FAT3: variants seen among roughly 807,000 people sequenced by gnomAD.
FAT3 encodes FAT atypical cadherin 3.
Under a neutral mutation model 310.2 loss-of-function variants are expected in FAT3, and 95 were observed. That is an observed-to-expected ratio of 0.31 (90% CI 0.26 to 0.36). The LOEUF (loss-of-function observed/expected upper bound fraction) is 0.36. Ranked by LOEUF, FAT3 falls within the 10% of genes least tolerant of loss-of-function variation. FAT3 has a pLI of 1.00. For missense variants in FAT3, 5,408 were observed against 5,715.6 expected (o/e 0.95, Z 1.74); for synonymous variants, 2,314 against 2,192.9 (o/e 1.06, Z -1.54).
At chr11:92,802,351 G>A (rs1947385142) in intron 10 of FAT3, among the ~76,000 whole-genome samples, 1 of 152,160 alleles carries the variant, frequency 6.6e-6, no homozygotes, top group Admixed American at 6.5e-5. Context: ...GGCAACACCT[G>A]TGCACACATG....
At chr11:92,661,228 C>A (rs1177658240) in intron 3 of FAT3, among the ~76,000 whole-genome samples, 2 of 152,176 alleles carry the variant, frequency 1.3e-5, no homozygotes, top group African/African-American at 2.4e-5. Context: ...GCTGTTCAGA[C>A]ACTGACTGTC....
chr11:92,879,056 A>G (rs35213599), intron 22 of FAT3, among the ~76,000 whole-genome samples: 12,528 of 149,640 alleles, frequency 0.084, 664 homozygotes, highest in East Asian at 0.13. Flanking sequence ...AAGAGAGGGG[A>G]AAAAAAAAAC....
intron 13 of FAT3, among the ~76,000 whole-genome samples, chr11:92,819,920 C>T (rs1006978908): frequency 6.6e-6 from 1 of 152,092 alleles, no homozygotes. Context: ...GCCAATATTC[C>T]TCCGTTATGG....
chr11:92,471,913 TGCTATA>T (rs1951914190), intron 2 of FAT3, among the ~76,000 whole-genome samples: 1 of 81,626 alleles, frequency 1.2e-5, no homozygotes, highest in Non-Finnish European at 2.4e-5. Context: ...ACTTTTCATA[TGCTATA>T]TATATATATA....
intron 13 of FAT3, 86 bp from the exon 14 acceptor site, chr11:92,831,536 T>C: frequency 8.2e-7 from 1 of 1,214,764 alleles, no homozygotes; most frequent in African/African-American, 1.5e-5. Context: ...GTTGTGGCCC[T>C]TCAAAAGTCT....
At chr11:92,676,902 A>G (rs1249950517) in intron 3 of FAT3, among the ~76,000 whole-genome samples, 12 of 152,192 alleles carry the variant, frequency 7.9e-5, no homozygotes, top group Non-Finnish European at 1.5e-5. Context: ...AAGTACAGGC[A>G]CAGTGCAAAG....
intron 3 of FAT3, among the ~76,000 whole-genome samples, chr11:92,666,278 G>T (rs548396048): frequency 5.1e-4 from 78 of 151,988 alleles, no homozygotes; most frequent in Admixed American, 7.9e-4. Context: ...TGTTAATTTG[G>T]CTGAGGAGCA....
rs748617808 is a variant in FAT3 at position 92,799,166 on chromosome 11, G to A, written c.6153G>A (p.Glu2051=). Residue 2051 remains glutamate, a synonymous_variant, in exon 10 of 28, where the codon GAG becomes GAA. Coordinates refer to ENST00000525166, the MANE Select transcript of FAT3 (RefSeq NM_001367949.2). ...PFDREEQELY[E]LVVEASRELD... The stretch of plus-strand genomic sequence containing the variant: ...ACCGTGAAGAACAAGAGTTATATGA[G>A]CTGGTGGTAGAAGCCAGCCGTGAGC... 3.1e-6 allele frequency: 5 copies of A among 1,613,930 alleles called. No individual in the cohort carries two copies. In the South Asian group the frequency reaches 3.3e-5, roughly 11 times the overall value.
chr11:92,882,471 C>A (rs1227470639), intron 23 of FAT3, among the ~76,000 whole-genome samples: 1 of 151,928 alleles, frequency 6.6e-6, no homozygotes, highest in African/African-American at 2.4e-5. Context: ...TCCTTTCCCC[C>A]AACCCAGGTA....
chr11:92,784,297 G>A (rs1022382123), intron 7 of FAT3, among the ~76,000 whole-genome samples: 1 of 152,234 alleles, frequency 6.6e-6, no homozygotes, highest in Non-Finnish European at 1.5e-5. Context: ...AAACTTACAA[G>A]CTTGAGGAGA....
chr11:92,383,167 C>G (rs2134772094), intron 2 of FAT3, among the ~76,000 whole-genome samples: 1 of 152,320 alleles, frequency 6.6e-6, no homozygotes, highest in South Asian at 2.1e-4. Flanking sequence ...AGGACATGAT[C>G]TCGTTCCATT....
chr11:92,644,910 T>C (rs1403606028), intron 3 of FAT3, among the ~76,000 whole-genome samples: 2 of 152,180 alleles, frequency 1.3e-5, no homozygotes, highest in Non-Finnish European at 2.9e-5. Flanking sequence ...ATATAAAGTC[T>C]TGGGGAAGAG....
chr11:92,505,149 G>T (rs1953060297), intron 2 of FAT3, among the ~76,000 whole-genome samples: 1 of 152,086 alleles, frequency 6.6e-6, no homozygotes, highest in African/African-American at 2.4e-5. Context: ...AAAGTTCCTG[G>T]AGGTGGTTGT....
At chr11:92,606,097 A>G (rs997417404) in intron 3 of FAT3, among the ~76,000 whole-genome samples, 2 of 152,148 alleles carry the variant, frequency 1.3e-5, no homozygotes, top group South Asian at 4.1e-4. Flanking sequence ...TTGGTGAGTG[A>G]GCCCTAGTCT....
At chr11:92,367,080 G>C in intron 2 of FAT3, 1 of 458,178 alleles carries the variant, frequency 2.2e-6, no homozygotes, top group South Asian at 1.7e-5. Flanking sequence ...TCTGCACTGA[G>C]GTGAAGCAGG....
rs373479227 is a variant in FAT3, at chr11:92,353,582, C to T, written c.1470C>T (p.Ser490=). The change falls in exon 2 of 28, where the codon AGC becomes AGT. Residue 490 remains serine (S), a synonymous_variant. Coordinates refer to ENST00000525166, the MANE Select transcript of FAT3 (RefSeq NM_001367949.2). ...ATGAAAGTGTCCCAGTGGGAACCAG[C>T]GTTCTAACAGTTTCAGCTTCTGATA... ...YVNESVPVGT[S]VLTVSASDKD... The T allele has an allele frequency of 1.4e-4, 233 of 1,613,720 alleles. 1 individual carries two copies. The African/African-American group carries it at 2.3e-3, about 16-fold the overall frequency.
intron 3 of FAT3, among the ~76,000 whole-genome samples, chr11:92,552,386 A>T (rs181828028): frequency 1.3e-5 from 2 of 152,242 alleles, no homozygotes; most frequent in African/African-American, 4.8e-5. Flanking sequence ...TCACATGGAA[A>T]ATATTAAATG....
intron 2 of FAT3, among the ~76,000 whole-genome samples, chr11:92,358,499 A>G (rs1948794131): frequency 6.6e-6 from 1 of 151,608 alleles, no homozygotes; most frequent in African/African-American, 2.4e-5. Context: ...CCCTTCTCTT[A>G]GAAAACACAA....
At chr11:92,408,947 G>A (rs1220742378) in intron 2 of FAT3, among the ~76,000 whole-genome samples, 6 of 151,998 alleles carry the variant, frequency 3.9e-5, no homozygotes, top group Non-Finnish European at 5.9e-5. Context: ...AATAATTTTC[G>A]GCAAAAGTTC....
Sources: gnomAD v4.1 joint callset for allele counts (sites outside exome capture counted in the v4.1 genomes callset) on GRCh38, gnomAD v4.1.1 for gene constraint, MANE v1.5 for transcripts, NCBI Gene and HGNC (gene_info 2026-07-23, HGNC 2026-07-21) for gene names.